SUMF1: variants seen among roughly 807,000 people sequenced by gnomAD.
The protein encoded by SUMF1 is formylglycine-generating enzyme.
Under a neutral mutation model 47.6 loss-of-function variants are expected in SUMF1, and 48 were observed. The observed-to-expected ratio is 1.01, with a 90% CI of 0.80 to 1.28. The LOEUF (loss-of-function observed/expected upper bound fraction) is 1.28. Ranked by LOEUF, SUMF1 falls within the 50% of genes most tolerant of loss-of-function variation. SUMF1 has a pLI of 0.00. For synonymous variants in SUMF1, 230 were observed against 192.1 expected (o/e 1.20, Z -1.63); for missense variants, 571 against 485.4 (o/e 1.18, Z -1.66).
chr3:4,063,292 G>C (rs530471554), intron 9 of SUMF1, among the ~76,000 whole-genome samples: 28 of 152,040 alleles, frequency 1.8e-4, no homozygotes, highest in Non-Finnish European at 1.8e-4. Flanking sequence ...ACAGGACCAA[G>C]AGCCAGCCTT....
intron 8 of SUMF1, among the ~76,000 whole-genome samples, chr3:4,286,193 GC>G (rs780902150): frequency 4.0e-5 from 6 of 151,746 alleles, no homozygotes; most frequent in Non-Finnish European, 7.4e-5. Flanking sequence ...TAAGTATGTA[GC>G]TTTTTAACAT....
At chr3:4,166,695 T>C (rs1041860501) in intron 8 of SUMF1, among the ~76,000 whole-genome samples, 13 of 152,132 alleles carry the variant, frequency 8.5e-5, no homozygotes, top group African/African-American at 3.1e-4. Flanking sequence ...ATAGGACAGA[T>C]GGGCGAGTCT....
intron 8 of SUMF1, among the ~76,000 whole-genome samples, chr3:4,312,427 T>C (rs2125095676): frequency 6.6e-6 from 1 of 152,240 alleles, no homozygotes; most frequent in South Asian, 2.1e-4. Flanking sequence ...ATTGTCCTTA[T>C]ACATACATAA....
chr3:4,439,850 G>A (rs1409481650), intron 3 of SUMF1, among the ~76,000 whole-genome samples: 1 of 151,662 alleles, frequency 6.6e-6, no homozygotes, highest in Non-Finnish European at 1.5e-5. Flanking sequence ...ACTGCACCCA[G>A]CCAAGAAAAA....
At chr3:4,199,059 T>C (rs936777350) in intron 8 of SUMF1, among the ~76,000 whole-genome samples, 1 of 151,694 alleles carries the variant, frequency 6.6e-6, no homozygotes, top group African/African-American at 2.4e-5. Context: ...CAAATGAGTT[T>C]AGGTAAATGT....
chr3:4,318,298 C>T lies in SUMF1; in HGVS notation c.1014+58032G>A, dbSNP rs376234001. On this transcript the variant is annotated intron_variant and NMD_transcript_variant, in intron 8 of 12. Coordinates refer to the SUMF1 transcript ENST00000448413. ...AGGAAAGCAAGATTGGTTTAACATA[C>T]GAAAATCAGTAAATCCAGTATATTA... 1.4e-4 allele frequency among the ~76,000 whole-genome samples: 22 copies of T among 151,834 alleles called. No individual in the cohort carries two copies. In the East Asian group the frequency reaches 1.9e-3, roughly 13 times the overall value.
chr3:4,462,657 C>G (rs940539776), intron 1 of SUMF1, among the ~76,000 whole-genome samples: 1 of 152,142 alleles, frequency 6.6e-6, no homozygotes, highest in East Asian at 1.9e-4. Context: ...TCAACCTTAA[C>G]ATTAAAAGCT....
intron 7 of SUMF1, among the ~76,000 whole-genome samples, chr3:4,408,126 C>A (rs1220591896): frequency 6.6e-6 from 1 of 152,134 alleles, no homozygotes; most frequent in Non-Finnish European, 1.5e-5. Context: ...ACTAACCAGG[C>A]ATGTGAGAAA....
rs373506011 is a variant in SUMF1, at chr3:4,292,706, T to C, written c.1014+83624A>G. On this transcript the variant is annotated intron_variant and NMD_transcript_variant, in intron 8 of 12. Coordinates refer to the SUMF1 transcript ENST00000448413. Reference sequence around the variant, plus strand: ...TCTGAACAGGTACTGCCAGACTTCATTAAGACAAAAGCCCCAGCAACAAAT... The same window carrying C: ...TCTGAACAGGTACTGCCAGACTTCACTAAGACAAAAGCCCCAGCAACAAAT... Among the ~76,000 whole-genome samples, 3 of 152,322 alleles carry C rather than the reference T, an allele frequency of 2.0e-5. No individual in the cohort carries two copies. The South Asian group carries it at 6.2e-4, about 32-fold the overall frequency.
At chr3:4,286,946 G>A (rs1187435966) in intron 8 of SUMF1, among the ~76,000 whole-genome samples, 1 of 151,952 alleles carries the variant, frequency 6.6e-6, no homozygotes, top group Non-Finnish European at 1.5e-5. Flanking sequence ...CTCAAAGTGT[G>A]GTCCAGGGAT....
intron 3 of SUMF1, among the ~76,000 whole-genome samples, chr3:4,443,065 C>CA (rs1207835158): frequency 6.6e-6 from 1 of 151,828 alleles, no homozygotes; most frequent in Non-Finnish European, 1.5e-5. Flanking sequence ...CACCTGAACT[C>CA]AGGAGATCGA....
chr3:4,062,736 T>A (rs1367579890), intron 9 of SUMF1, among the ~76,000 whole-genome samples: 1 of 152,140 alleles, frequency 6.6e-6, no homozygotes, highest in Non-Finnish European at 1.5e-5. Context: ...TGTAGGCATT[T>A]TGGTACCTTG....
intron 8 of SUMF1, among the ~76,000 whole-genome samples, chr3:4,354,247 T>C (rs1261316888): frequency 2.0e-5 from 3 of 152,198 alleles, no homozygotes; most frequent in Non-Finnish European, 4.4e-5. Flanking sequence ...GAAGTAAGAA[T>C]GTAAACAATG....
intron 3 of SUMF1, among the ~76,000 whole-genome samples, chr3:4,430,794 G>A (rs1223287671): frequency 6.6e-6 from 1 of 152,122 alleles, no homozygotes; most frequent in African/African-American, 2.4e-5. Flanking sequence ...AAGTCAGGGG[G>A]GTGATGCCCT....
intron 6 of SUMF1, among the ~76,000 whole-genome samples, chr3:4,413,739 G>C (rs1392615968): frequency 6.6e-6 from 1 of 151,904 alleles, no homozygotes; most frequent in Non-Finnish European, 1.5e-5. Flanking sequence ...TATAAAATCA[G>C]GTCTAGCTGG....
intron 8 of SUMF1, among the ~76,000 whole-genome samples, chr3:4,173,746 G>T (rs1007170771): frequency 6.6e-6 from 1 of 152,018 alleles, no homozygotes; most frequent in African/African-American, 2.4e-5. Context: ...GGATGAAGCT[G>T]GAAACCATCA....
chr3:4,413,959 G>C (rs1051971620), intron 6 of SUMF1, among the ~76,000 whole-genome samples: 3 of 152,128 alleles, frequency 2.0e-5, no homozygotes, highest in African/African-American at 4.8e-5. Context: ...TGCCTCCTGG[G>C]TTCAAGCAAT....
intron 8 of SUMF1, among the ~76,000 whole-genome samples, chr3:4,352,739 A>G (rs1164942537): frequency 6.7e-6 from 1 of 150,362 alleles, no homozygotes; most frequent in African/African-American, 2.4e-5. Flanking sequence ...TGTAAAAAAA[A>G]AAAAAAAAAA....
intron 8 of SUMF1, among the ~76,000 whole-genome samples, chr3:4,135,796 T>A (rs1357636036): frequency 6.6e-6 from 1 of 152,154 alleles, no homozygotes; most frequent in African/African-American, 2.4e-5. Context: ...ACAAAATCAA[T>A]GTGCAAAAAT....
Sources: allele counts gnomAD v4.1 joint callset (sites outside exome capture counted in the v4.1 genomes callset), GRCh38; gene constraint gnomAD v4.1.1; transcripts MANE v1.5; gene names NCBI Gene and HGNC (gene_info 2026-07-23, HGNC 2026-07-21).